BLTP2: variants seen among roughly 807,000 people sequenced by gnomAD.
BLTP2 encodes the protein U937-associated antigen.
the BLTP2 span, chr17:28,618,713 C>A: frequency 8.6e-7 from 1 of 1,169,066 alleles, no homozygotes; most frequent in Non-Finnish European, 1.2e-6. Context: ...TTTTATTTCT[C>A]TTTTATGAGT....
the BLTP2 span, among the ~76,000 whole-genome samples, chr17:28,641,042 G>C: frequency 6.6e-6 from 1 of 152,200 alleles, no homozygotes; most frequent in Non-Finnish European, 1.5e-5. Context: ...TGAGGATTTA[G>C]TTAGAGAATA....
At chr17:28,618,748 C>T in the BLTP2 span, 1 of 1,540,376 alleles carries the variant, frequency 6.5e-7, no homozygotes, top group South Asian at 1.2e-5. Context: ...AGGTCAATGT[C>T]TCTCAATACA....
the BLTP2 span, among the ~76,000 whole-genome samples, chr17:28,631,200 A>G: frequency 6.6e-6 from 1 of 152,246 alleles, no homozygotes; most frequent in Non-Finnish European, 1.5e-5. Context: ...TGCTTTTACA[A>G]TAAGAGAAAC....
chr17:28,615,886 C>A, the BLTP2 span: 1 of 1,409,978 alleles, frequency 7.1e-7, no homozygotes, highest in Non-Finnish European at 9.9e-7. Context: ...CACTTGAGTG[C>A]CAAGTCCTAC....
chr17:28,638,225 C>A, the BLTP2 span: 1 of 1,606,642 alleles, frequency 6.2e-7, no homozygotes, highest in Admixed American at 1.7e-5. Context: ...GCTGTGCAGG[C>A]CCCTATTCAC....
chr17:28,620,010 A>G, the BLTP2 span: 3 of 1,612,576 alleles, frequency 1.9e-6, no homozygotes, highest in Non-Finnish European at 1.7e-6. Context: ...TCTTCTCACT[A>G]TGTTCCTAAA....
chr17:28,642,881 C>T, the BLTP2 span: 3 of 1,591,592 alleles, frequency 1.9e-6, no homozygotes, highest in Non-Finnish European at 2.6e-6. Context: ...TTTCCCATCA[C>T]TATCCAAAAG....
chr17:28,633,450 C>T, the BLTP2 span: 1 of 1,582,418 alleles, frequency 6.3e-7, no homozygotes, highest in Non-Finnish European at 8.7e-7. Flanking sequence ...GAAAACCATC[C>T]TCATCTCCCA....
the BLTP2 span, chr17:28,634,084 G>T: frequency 1.9e-6 from 3 of 1,613,660 alleles, no homozygotes; most frequent in Non-Finnish European, 2.5e-6. Flanking sequence ...TCCCTGATCC[G>T]AACTGTTACC....
chr17:28,642,036 A>G, the BLTP2 span: 250 of 1,614,190 alleles, frequency 1.5e-4, no homozygotes, highest in African/African-American at 3.1e-3. Flanking sequence ...ACCTTTAGAC[A>G]CAGGTCCAGG....
chr17:28,634,416 GCA>G, the BLTP2 span: 7 of 1,244,040 alleles, frequency 5.6e-6, no homozygotes, highest in East Asian at 2.3e-5. Context: ...ACCCAAAACG[GCA>G]CAGTTCCCAA....
the BLTP2 span, chr17:28,623,638 G>A: frequency 1.0e-5 from 8 of 796,482 alleles, no homozygotes; most frequent in South Asian, 1.2e-4. Flanking sequence ...CATTCAAGGT[G>A]TTATTAGCCT....
At chr17:28,633,183 A>T in the BLTP2 span, 1 of 1,588,358 alleles carries the variant, frequency 6.3e-7, no homozygotes, top group Non-Finnish European at 8.6e-7. Flanking sequence ...ATGGAACCCC[A>T]GCCCTCAGTG....
At chr17:28,620,137 C>A in the BLTP2 span, 1 of 873,366 alleles carries the variant, frequency 1.1e-6, no homozygotes. Flanking sequence ...CTTTATCTGT[C>A]ACTGGTAATA....
At chr17:28,617,979 C>T in the BLTP2 span, among the ~76,000 whole-genome samples, 11 of 147,126 alleles carry the variant, frequency 7.5e-5, no homozygotes, top group Non-Finnish European at 1.6e-4. Context: ...TGTCACCAGG[C>T]TGCAGTGCAG....
the BLTP2 span, chr17:28,643,228 T>C: frequency 6.2e-7 from 1 of 1,614,176 alleles, no homozygotes; most frequent in Non-Finnish European, 8.5e-7. Flanking sequence ...CCCAGCGCTC[T>C]GGGAGAATGG....
chr17:28,631,933 A>G, the BLTP2 span: 2 of 1,613,644 alleles, frequency 1.2e-6, no homozygotes, highest in East Asian at 4.5e-5. Flanking sequence ...GCAACAAGAG[A>G]GCATAACATT....
the BLTP2 span, chr17:28,628,171 G>A: frequency 8.4e-6 from 9 of 1,068,202 alleles, no homozygotes; most frequent in Non-Finnish European, 1.2e-5. Context: ...TACCTAGATA[G>A]AAGCACCATG....
At chr17:28,639,904 C>T in the BLTP2 span, 69 of 1,613,976 alleles carry the variant, frequency 4.3e-5, no homozygotes, top group Non-Finnish European at 5.5e-5. Context: ...CATGAACCTT[C>T]CAGCAGCAGT....
Sources: allele counts gnomAD v4.1 joint callset (sites outside exome capture counted in the v4.1 genomes callset), GRCh38; gene constraint gnomAD v4.1.1; transcripts MANE v1.5; gene names NCBI Gene and HGNC (gene_info 2026-07-23, HGNC 2026-07-21).